The following SHANK2 variants were observed in gnomAD, a reference collection of about 807,000 sequenced individuals.
The protein encoded by SHANK2 is SH3 and multiple ankyrin repeat domains protein 2.
Under a neutral mutation model 133.7 loss-of-function variants are expected in SHANK2, and 43 were observed. The observed-to-expected ratio is 0.32, with a 90% CI of 0.25 to 0.41. SHANK2 has a LOEUF of 0.41. Ranked by LOEUF, SHANK2 falls within the 10% of genes least tolerant of loss-of-function variation. SHANK2 has a pLI of 1.00. For synonymous variants in SHANK2, 1,017 were observed against 952.8 expected, an observed-to-expected ratio of 1.07 and a Z score of -1.24; for missense variants, 1,994 against 2,235.8, an observed-to-expected ratio of 0.89 and a Z score of 2.18.
chr11:70,854,277 A>G (rs1407209153), intron 11 of SHANK2, among the ~76,000 whole-genome samples: 1 of 152,224 alleles, frequency 6.6e-6, no homozygotes, highest in Non-Finnish European at 1.5e-5. Flanking sequence ...GTTGACTGTC[A>G]TGAGTAGGAA....
At chr11:71,228,351 A>G (rs1331919653) in intron 1 of SHANK2, among the ~76,000 whole-genome samples, 1 of 152,232 alleles carries the variant, frequency 6.6e-6, no homozygotes, top group African/African-American at 2.4e-5. Flanking sequence ...AGAATAATTA[A>G]TACTAATTCT....
chr11:70,803,073 C>G (rs1218868834), intron 13 of SHANK2, among the ~76,000 whole-genome samples: 1 of 152,198 alleles, frequency 6.6e-6, no homozygotes, highest in African/African-American at 2.4e-5. Flanking sequence ...CAGCCGAATC[C>G]TGAAGGAGGA....
chr11:71,184,897 T>C (rs1296175421), intron 2 of SHANK2, among the ~76,000 whole-genome samples: 1 of 152,058 alleles, frequency 6.6e-6, no homozygotes, highest in Non-Finnish European at 1.5e-5. Flanking sequence ...AGATGCACCA[T>C]CATACCAGAG....
At chr11:70,661,720 C>A (rs574470596) in intron 15 of SHANK2, 42 bp from the exon 16 acceptor site, 8 of 1,613,996 alleles carry the variant, frequency 5.0e-6, no homozygotes, top group Non-Finnish European at 5.9e-6. Context: ...TATTGTAGCC[C>A]GTCATCATCA....
chr11:71,147,547 G>A (rs1328964926), intron 2 of SHANK2, among the ~76,000 whole-genome samples: 1 of 152,178 alleles, frequency 6.6e-6, no homozygotes, highest in East Asian at 1.9e-4. Context: ...GCTCCTCCCT[G>A]GAGCTTGAGC....
intron 17 of SHANK2, among the ~76,000 whole-genome samples, chr11:70,616,872 CAAAT>C (rs1554996112): frequency 6.6e-6 from 1 of 152,150 alleles, no homozygotes; most frequent in African/African-American, 2.4e-5. Context: ...GAGGAGATGA[CAAAT>C]GCCCCGCAAA....
chr11:70,801,669 C>T (rs902078304), intron 13 of SHANK2, among the ~76,000 whole-genome samples: 2 of 152,128 alleles, frequency 1.3e-5, no homozygotes, highest in South Asian at 4.1e-4. Flanking sequence ...AGTACAAGAG[C>T]GAGCACTGGG....
chr11:70,787,569 C>T (rs1234309211), intron 14 of SHANK2, among the ~76,000 whole-genome samples: 2 of 151,418 alleles, frequency 1.3e-5, no homozygotes, highest in Non-Finnish European at 2.9e-5. Context: ...ATCACCATGA[C>T]CACCACCACC....
At chr11:71,124,801 G>A (rs79258321) in intron 3 of SHANK2, among the ~76,000 whole-genome samples, 4,447 of 152,176 alleles carry the variant, frequency 0.029, 201 homozygotes, top group African/African-American at 0.098. Flanking sequence ...TTGCTTTATT[G>A]AGCTTCACAG....
At chr11:70,831,534 C>T (rs1555058442) in intron 11 of SHANK2, among the ~76,000 whole-genome samples, 1 of 152,188 alleles carries the variant, frequency 6.6e-6, no homozygotes, top group South Asian at 2.1e-4. Context: ...TGCCCACAGG[C>T]ATCCCACAGA....
At chr11:71,244,517 A>G (rs554502158) in intron 1 of SHANK2, among the ~76,000 whole-genome samples, 2 of 152,320 alleles carry the variant, frequency 1.3e-5, no homozygotes, top group South Asian at 2.1e-4. Context: ...CATTCTCATC[A>G]TAACACTGAG....
intron 17 of SHANK2, among the ~76,000 whole-genome samples, chr11:70,567,079 T>C (rs2059977238): frequency 1.3e-5 from 2 of 152,180 alleles, no homozygotes; most frequent in Admixed American, 6.5e-5. Flanking sequence ...GCCACCACCA[T>C]TGTTATCGGG....
intron 16 of SHANK2, 73 bp from the exon 17 acceptor site, chr11:70,660,025 C>T (rs1282779987): frequency 1.2e-5 from 19 of 1,602,356 alleles, no homozygotes; most frequent in Non-Finnish European, 1.4e-5. Flanking sequence ...GACCTCCCCA[C>T]AGGACCCCGG....
chr11:70,525,994 C>T, intron 17 of SHANK2, among the ~76,000 whole-genome samples: 1 of 115,712 alleles, frequency 8.6e-6, no homozygotes, highest in Non-Finnish European at 1.7e-5. Flanking sequence ...ATACTCTGCC[C>T]CCACCCCCCA....
intron 11 of SHANK2, among the ~76,000 whole-genome samples, chr11:70,839,432 C>T (rs1463675588): frequency 2.0e-5 from 3 of 152,204 alleles, no homozygotes; most frequent in Non-Finnish European, 2.9e-5. Flanking sequence ...CACACACCCC[C>T]CTGGTAGAGA....
rs142745313 is a variant in SHANK2 at position 70,594,304 on chromosome 11, C to T, written c.2061+65524G>A. Among the ~76,000 whole-genome samples, 138 of 152,276 alleles carry T rather than the reference C, an allele frequency of 9.1e-4. 1 individual carries two copies. The Middle Eastern group carries it at 0.014, about 15-fold the overall frequency. On this transcript the variant is annotated intron_variant, in intron 17 of 25. Transcript: ENST00000601538. Reference sequence around the variant, plus strand: ...AGATCGCGTTACGTGAGTCCACACACGGTTGCCCTTGGTGCACTCTGGAGA... The same window carrying T: ...AGATCGCGTTACGTGAGTCCACACATGGTTGCCCTTGGTGCACTCTGGAGA...
At chr11:70,614,274 C>T (rs2060707280) in intron 17 of SHANK2, among the ~76,000 whole-genome samples, 1 of 151,350 alleles carries the variant, frequency 6.6e-6, no homozygotes, top group Non-Finnish European at 1.5e-5. Flanking sequence ...TCCAATGACA[C>T]AGTAAAAGTT....
intron 10 of SHANK2, among the ~76,000 whole-genome samples, chr11:70,937,470 C>A (rs1950587537): frequency 1.3e-5 from 2 of 152,208 alleles, no homozygotes; most frequent in Admixed American, 1.3e-4. Context: ...ACATCGTCAG[C>A]CCCCTGGGGT....
At chr11:71,063,583 C>T (rs1211642765) in intron 9 of SHANK2, among the ~76,000 whole-genome samples, 3 of 152,138 alleles carry the variant, frequency 2.0e-5, no homozygotes, top group African/African-American at 2.4e-5. Flanking sequence ...CAACAACTTG[C>T]GGCTTCAGAA....
Sources: allele counts gnomAD v4.1 joint callset (sites outside exome capture counted in the v4.1 genomes callset), GRCh38; gene constraint gnomAD v4.1.1; transcripts MANE v1.5; gene names NCBI Gene and HGNC (gene_info 2026-07-23, HGNC 2026-07-21).